CCDC7: variants seen among roughly 807,000 people sequenced by gnomAD.
CCDC7 encodes the protein coiled-coil domain-containing protein 7.
In CCDC7, 183 loss-of-function variants were observed where a neutral mutation model predicts 196.9. That is an observed-to-expected ratio of 0.93 (90% confidence interval 0.82 to 1.05). The LOEUF is 1.05. CCDC7 is among the 50% of genes least tolerant of loss of function. The pLI is 0.00. For missense variants in CCDC7, 1,540 were observed against 1,482.2 expected, an observed-to-expected ratio of 1.04 and a Z score of -0.64; for synonymous variants, 525 against 484.6, an observed-to-expected ratio of 1.08 and a Z score of -1.10.
At chr10:32,701,116 G>A (rs2078641242) in intron 24 of CCDC7, among the ~76,000 whole-genome samples, 1 of 152,156 alleles carries the variant, frequency 6.6e-6, no homozygotes, top group African/African-American at 2.4e-5. Context: ...GTAAGAGAGG[G>A]CATCCCTGTC....
At chr10:32,879,198 CTAAGTT>C (rs148891090), downstream of CCDC7, among the ~76,000 whole-genome samples, 14,082 of 151,962 alleles carry the variant, frequency 0.093, 891 homozygotes, top group East Asian at 0.32. Flanking sequence ...TGATTATCAT[CTAAGTT>C]TAATATAAAT....
At chr10:32,850,774 A>AACACACACACACACACAC (rs59662474) in intron 39 of CCDC7, among the ~76,000 whole-genome samples, 2 of 146,814 alleles carry the variant, frequency 1.4e-5, no homozygotes, top group East Asian at 2.0e-4. Context: ...TGTCTCTGAC[A>AACACACACACACACACAC]ACACACACAC....
At chr10:32,523,437 T>C (rs998401654) in intron 11 of CCDC7, among the ~76,000 whole-genome samples, 27 of 151,984 alleles carry the variant, frequency 1.8e-4, no homozygotes, top group African/African-American at 5.8e-4. Context: ...TAGTCCCAGC[T>C]ACTCGGGAGG....
At chr10:32,598,310 C>T (rs1285885000) in intron 18 of CCDC7, among the ~76,000 whole-genome samples, 3 of 152,142 alleles carry the variant, frequency 2.0e-5, no homozygotes, top group African/African-American at 7.2e-5. Flanking sequence ...GAGTCAGGCA[C>T]GGGATATAAT....
chr10:32,814,919 A>AAAACC (rs1428476711), intron 31 of CCDC7, among the ~76,000 whole-genome samples: 2 of 152,214 alleles, frequency 1.3e-5, no homozygotes, highest in Non-Finnish European at 1.5e-5. Flanking sequence ...GTGCCCTGCT[A>AAAACC]AAACCACTGT....
intron 13 of CCDC7, among the ~76,000 whole-genome samples, chr10:32,551,823 GT>G (rs1230313678): frequency 1.3e-5 from 2 of 152,084 alleles, no homozygotes; most frequent in Admixed American, 1.3e-4. Flanking sequence ...CTATCATATG[GT>G]CTATCCTGGA....
intron 24 of CCDC7, among the ~76,000 whole-genome samples, chr10:32,711,280 C>A (rs937691540): frequency 2.0e-5 from 3 of 151,900 alleles, no homozygotes; most frequent in African/African-American, 7.3e-5. Context: ...GAATACTTTG[C>A]AATTACAAAT....
intron 16 of CCDC7, among the ~76,000 whole-genome samples, chr10:32,576,952 C>A (rs536914084): frequency 6.6e-6 from 1 of 152,166 alleles, no homozygotes; most frequent in African/African-American, 2.4e-5. Context: ...CACATGTTTT[C>A]CTTTAGATTC....
chr10:32,462,183 G>T (rs1455792341), intron 3 of CCDC7, among the ~76,000 whole-genome samples: 1 of 152,140 alleles, frequency 6.6e-6, no homozygotes, highest in African/African-American at 2.4e-5. Context: ...TGTTTTGGGA[G>T]ACTGACATGG....
downstream of CCDC7, among the ~76,000 whole-genome samples, chr10:32,879,089 G>A (rs2137027903): frequency 6.6e-6 from 1 of 152,056 alleles, no homozygotes; most frequent in Non-Finnish European, 1.5e-5. Context: ...AGATACATGT[G>A]TAGGATGTAC....
At chr10:32,689,092 A>C in exon 23 of CCDC7, 3 of 1,608,834 alleles carry the variant, frequency 1.9e-6, no homozygotes, top group African/African-American at 1.3e-5. Context: ...ATACTTAGGC[A>C]TCAAGACTCA....
rs138783552 is a variant in CCDC7, at chr10:32,487,384, G to A, written c.797-4538G>A. Among the ~76,000 whole-genome samples the A allele has an allele frequency of 7.4e-3, 1,120 of 152,180 alleles. 14 individuals carry two copies. The highest frequency in any genetic ancestry group is 0.025 in the African/African-American group (1,056 of 41,510). ...CATTGGTTATTCTAGTTAGCCATTC[G>A]TCTAATTGTTTTTCAAGGTTTTTAA... On this transcript the variant is annotated intron_variant, in intron 8 of 41. Transcript: ENST00000639629.
In CCDC7 at chr10:32,785,887, T is replaced by C. The variant is rs1418864446; in HGVS notation, c.3013+6803T>C. Among the ~76,000 whole-genome samples, 7 of 152,212 alleles carry C rather than the reference T, an allele frequency of 4.6e-5. No homozygotes were observed. The South Asian group carries it at 1.4e-3, about 31-fold the overall frequency. On this transcript the variant is annotated intron_variant, in intron 29 of 41. Transcript: ENST00000639629. ...GTTTCTTTATTTTTGTCTGAGTTGTTTCAGGGAGCTAGTCTTCGAGCTCTG... is the reference window on the plus strand; with the variant it reads ...GTTTCTTTATTTTTGTCTGAGTTGTCTCAGGGAGCTAGTCTTCGAGCTCTG...
At chr10:32,469,113 A>G (rs2037427669) in intron 5 of CCDC7, among the ~76,000 whole-genome samples, 1 of 152,142 alleles carries the variant, frequency 6.6e-6, no homozygotes, top group Non-Finnish European at 1.5e-5. Flanking sequence ...CTTTTTTCCC[A>G]GAAAGGACTT....
rs898521990 is a variant in CCDC7 at position 32,506,046 on chromosome 10, C to T, written c.873-11899C>T. On this transcript the variant is annotated intron_variant, in intron 9 of 41. Transcript: ENST00000639629. ...CCCATTTGGGGCGGCTGGGCAGAGA[C>T]GCTCCTCAGTTCCTAGATGGGGTGG... is the stretch of plus-strand genomic sequence containing the variant. Among the ~76,000 whole-genome samples the T allele has an allele frequency of 3.5e-5, 5 of 141,674 alleles. 1 individual carries two copies. The South Asian group carries it at 6.9e-4, about 20-fold the overall frequency. 92.9% of individuals were successfully genotyped at this position (141,674 alleles called of 152,430 possible).
intron 25 of CCDC7, among the ~76,000 whole-genome samples, chr10:32,714,302 G>C (rs2081271553): frequency 6.6e-6 from 1 of 152,204 alleles, no homozygotes; most frequent in South Asian, 2.1e-4. Context: ...CAAGGGGTCA[G>C]GGAACTCCTT....
At chr10:32,678,238 A>T (rs868275644) in intron 21 of CCDC7, among the ~76,000 whole-genome samples, 1 of 152,006 alleles carries the variant, frequency 6.6e-6, no homozygotes, top group South Asian at 2.1e-4. Flanking sequence ...AGAATCTCTT[A>T]TTTGAGCTAT....
At chr10:32,497,306 C>T (rs551624840) in intron 9 of CCDC7, among the ~76,000 whole-genome samples, 1 of 152,190 alleles carries the variant, frequency 6.6e-6, no homozygotes. Context: ...ATCTGGGTAG[C>T]AGTCTATCTA....
At chr10:32,729,717 G>T (rs911738783) in intron 28 of CCDC7, among the ~76,000 whole-genome samples, 2 of 151,994 alleles carry the variant, frequency 1.3e-5, no homozygotes, top group Non-Finnish European at 2.9e-5. Context: ...ATTTTTGTGT[G>T]TGTGTGCAAG....
Sources: gnomAD v4.1 joint callset for allele counts (sites outside exome capture counted in the v4.1 genomes callset) on GRCh38, gnomAD v4.1.1 for gene constraint, MANE v1.5 for transcripts, NCBI Gene and HGNC (gene_info 2026-07-23, HGNC 2026-07-21) for gene names.